Variants in HOXB6 observed in about 807,000 individuals in gnomAD.
The protein encoded by HOXB6 is homeobox B6.
A neutral mutation model predicts 24.2 loss-of-function variants in HOXB6; 18 were observed. The observed-to-expected ratio is 0.74, with a 90% CI of 0.51 to 1.10. HOXB6 has a LOEUF of 1.10. Ranked by LOEUF, HOXB6 falls within the 50% of genes least tolerant of loss-of-function variation. The pLI is 0.00. For missense variants in HOXB6, 332 were observed against 308.3 expected (o/e 1.08, Z -0.58); for synonymous variants, 159 against 139.1 (o/e 1.14, Z -1.01).
Position 48,598,217 on chromosome 17 carries a change from C to T in HOXB6, c.-67G>A. 1.4e-6 allele frequency: 2 copies of T among 1,447,632 alleles called. No individual in the cohort carries two copies. Among genetic ancestry groups the T allele is most frequent in the Non-Finnish European group, 1.8e-6 (2 of 1,090,422 alleles). 89.7% of individuals were successfully genotyped at this position (1,447,632 alleles called of 1,614,324 possible). On this transcript the variant is annotated 5_prime_UTR_variant, in exon 3 of 4. Transcript: ENST00000225648. ...TTATGATTTGTTGTGTTTTATAGTC[C>T]GAGCGCCGCGCCTATTAGTAGTATA...
At chr17:48,597,050 G>A (rs1303630088) in intron 3 of HOXB6, 1 of 1,161,150 alleles carries the variant, frequency 8.6e-7, no homozygotes, top group African/African-American at 1.7e-5. Context: ...CCGTAATGAC[G>A]TAGATCGATC....
At position 48,596,977 on chromosome 17, in the gene HOXB6, C is replaced by T. The variant is rs1291742364; in HGVS notation, c.416-305G>A. ...TTGCATCTTGTCTTTCCCTCCCTTT[C>T]CATCCATCTTGTTCCCACCCCCCGT... On this transcript the variant is annotated intron_variant, in intron 3 of 3. Coordinates refer to ENST00000225648, the MANE Select transcript of HOXB6 (RefSeq NM_018952.5). This position sits in a 1 kb window ranked among gnomAD's most constrained non-coding sequence, Gnocchi z 4.8. 39 of 1,293,174 alleles carry T rather than the reference C, an allele frequency of 3.0e-5. No homozygotes were observed. Among genetic ancestry groups the T allele is most frequent in the Non-Finnish European group, 3.9e-5 (39 of 1,007,272 alleles). The allele number at this position is 1,293,174 out of a possible 1,614,324, so 80.1% of individuals were successfully genotyped here.
intron 2 of HOXB6, chr17:48,601,870 A>G (rs1382510323): frequency 3.8e-6 from 1 of 264,694 alleles, no homozygotes; most frequent in African/African-American, 2.3e-5. Context: ...TTGAAAGCCC[A>G]AGCTAATCAG....
chr17:48,596,315 G>T lies in HOXB6; in HGVS notation c.*98C>A, dbSNP rs41307619. ...GTCTGCGCCGGAGAGCAGGTCTCCTGGCTCCCCCACCCGAGAGCCTTCCTT... is the reference window on the plus strand; with the variant it reads ...GTCTGCGCCGGAGAGCAGGTCTCCTTGCTCCCCCACCCGAGAGCCTTCCTT... On this transcript the variant is annotated 3_prime_UTR_variant, in exon 4 of 4. Coordinates refer to ENST00000225648, the MANE Select transcript of HOXB6 (RefSeq NM_018952.5). This position sits in a 1 kb window ranked among gnomAD's most constrained non-coding sequence, Gnocchi z 4.8. The T allele has an allele frequency of 5.2e-5, 81 of 1,571,520 alleles. No individual in the cohort carries two copies. Among genetic ancestry groups the T allele is most frequent in the Non-Finnish European group, 6.6e-5 (76 of 1,143,990 alleles).
chr17:48,601,931 G>A (rs1246861359), intron 2 of HOXB6: 1 of 375,848 alleles, frequency 2.7e-6, no homozygotes, highest in South Asian at 2.0e-5. Context: ...GAGGCGCATA[G>A]CCTAGCCCTG....
In HOXB6 at chr17:48,597,056, C is replaced by T. The variant is rs563666431; in HGVS notation, c.416-384G>A. The stretch of plus-strand genomic sequence containing the variant: ...GCCGTTAATCCGTAATGACGTAGAT[C>T]GATCCATAGTCCACATTAACGGCTC... On this transcript the variant is annotated intron_variant, in intron 3 of 3. Transcript: ENST00000225648. 5.2e-6 allele frequency: 6 copies of T among 1,151,164 alleles called. No homozygotes were observed. In the African/African-American group the frequency reaches 9.7e-5, roughly 19 times the overall value. The allele number at this position is 1,151,164 out of a possible 1,614,324, so 71.3% of individuals were successfully genotyped here.
At chr17:48,597,286 G>A (rs2070326862) in intron 3 of HOXB6, among the ~76,000 whole-genome samples, 1 of 152,020 alleles carries the variant, frequency 6.6e-6, no homozygotes, top group South Asian at 2.1e-4. Context: ...GGGAAACACA[G>A]TCCCAGACAG....
In HOXB6 at chr17:48,597,928, C is replaced by T. The variant is rs1242966482; in HGVS notation, c.223G>A (p.Gly75Arg). Reference protein sequence around the residue: ...GYGRAAPCDYGPAPAFYREKE... With the variant: ...GYGRAAPCDYRPAPAFYREKE... ...TCGCGGTAGAAGGCCGGCGCCGGCC[C>T]GTAGTCGCAGGGCGCCGCTCGGCCG... Residue 75 changes from glycine to arginine, a missense_variant, in exon 3 of 4, where the codon GGG (glycine) becomes AGG (arginine). Physicochemically the swap from Gly to Arg is moderately radical, Grantham distance 125 (BLOSUM62 -2). Coordinates refer to ENST00000225648, the MANE Select transcript of HOXB6 (RefSeq NM_018952.5). 9.5e-6 allele frequency: 15 copies of T among 1,574,480 alleles called. No homozygotes were observed. The highest frequency in any genetic ancestry group is 1.3e-5 in the Non-Finnish European group (15 of 1,160,252).
intron 2 of HOXB6, chr17:48,603,851 C>T (rs561120847): frequency 6.6e-4 from 101 of 152,628 alleles, no homozygotes; most frequent in African/African-American, 2.3e-3. Flanking sequence ...CACCCACAGC[C>T]CTTTAATTTC....
In HOXB6 at chr17:48,597,838, T is replaced by G; in HGVS notation, c.313A>C (p.Lys105Gln). Residue 105 changes from lysine to glutamine, a missense_variant, in exon 3 of 4, where the codon AAG becomes CAG. Coordinates refer to ENST00000225648, the MANE Select transcript of HOXB6 (RefSeq NM_018952.5). ...CTCTTGTCCTGCGCGCAGTCCGACT[T>G]CCGCGGCTCGGGGTGGAACGGGGGC... Reference protein sequence around the residue: ...EQPPFHPEPRKSDCAQDKSVF... With the variant: ...EQPPFHPEPRQSDCAQDKSVF... 6.2e-7 allele frequency: 1 copy of G among 1,601,946 alleles called. No homozygotes were observed. Among genetic ancestry groups the G allele is most frequent in the Non-Finnish European group, 8.5e-7 (1 of 1,173,510 alleles).
chr17:48,597,916 C>T lies in HOXB6; in HGVS notation c.235G>A (p.Ala79Thr), dbSNP rs1406927462. The T allele has an allele frequency of 1.3e-6, 2 of 1,574,916 alleles. No individual in the cohort carries two copies. Among genetic ancestry groups the T allele is most frequent in the South Asian group, 1.2e-5 (1 of 86,792 alleles). ...GCCGACTCTTTCTCGCGGTAGAAGG[C>T]CGGCGCCGGCCCGTAGTCGCAGGGC... ...AAPCDYGPAP[A>T]FYREKESACA... The change falls in exon 3 of 4, where the codon GCC becomes ACC. Residue 79 changes from alanine to threonine, a missense_variant. Physicochemically the swap from Ala to Thr is moderately conservative, Grantham distance 58 (BLOSUM62 0). Transcript: ENST00000225648.
rs760358158 is a variant in HOXB6, at chr17:48,597,869, G to T, written c.282C>A (p.Asp94Glu). The T allele has an allele frequency of 1.3e-6, 2 of 1,591,860 alleles. No individual in the cohort carries two copies. The highest frequency in any genetic ancestry group is 1.7e-6 in the Non-Finnish European group (2 of 1,168,330). The change falls in exon 3 of 4, where the codon GAC (aspartate) becomes GAA (glutamate). Residue 94 changes from aspartate to glutamate, a missense_variant. Asp to Glu is a conservative substitution (Grantham distance 45). Transcript: ENST00000225648. ...GCTCGGGGTGGAACGGGGGCTGCTC[G>T]TCGGCGCCGGAGAGTGCGCAGGCCG... is the stretch of plus-strand genomic sequence containing the variant. Reference protein sequence around the residue: ...KESACALSGADEQPPFHPEPR... With the variant: ...KESACALSGAEEQPPFHPEPR...
At chr17:48,598,622 C>T (rs375165889) in intron 2 of HOXB6, among the ~76,000 whole-genome samples, 3 of 152,152 alleles carry the variant, frequency 2.0e-5, no homozygotes, top group East Asian at 3.9e-4. Context: ...ATTGTGTTTT[C>T]AGAAAAGTTA....
At position 48,596,032 on chromosome 17, in the gene HOXB6, C is replaced by T; in HGVS notation, c.*381G>A. 1 of 472,436 alleles carries T rather than the reference C, an allele frequency of 2.1e-6. No homozygotes were observed. Among genetic ancestry groups the T allele is most frequent in the South Asian group, 1.5e-5 (1 of 64,670 alleles). 29.3% of individuals were successfully genotyped at this position (472,436 alleles called of 1,614,324 possible). ...TTCAAGGCCCCCGCTGAGGGGACAG[C>T]GAATCTACCATTGAACCGTGCACGG... On this transcript the variant is annotated 3_prime_UTR_variant, in exon 4 of 4. Coordinates refer to ENST00000225648, the MANE Select transcript of HOXB6 (RefSeq NM_018952.5). The surrounding 1 kb of genome is among the most constrained non-coding windows in gnomAD (Gnocchi z 4.8).
chr17:48,602,265 G>C, intron 2 of HOXB6: 1 of 455,632 alleles, frequency 2.2e-6, no homozygotes, highest in Non-Finnish European at 4.4e-6. Flanking sequence ...GGAACTGACG[G>C]GGCCGGCGCC....
At chr17:48,597,174 G>T (rs897854066) in intron 3 of HOXB6, 1 of 664,340 alleles carries the variant, frequency 1.5e-6, no homozygotes, top group Non-Finnish European at 1.9e-6. Context: ...TCCCTCTCTC[G>T]CTCCGCCTGC....
rs867711068 is a variant in HOXB6, at chr17:48,598,053, G to C, written c.98C>G (p.Ala33Gly). The change falls in exon 3 of 4, where the codon GCG becomes GGG. Residue 33 changes from alanine (A) to glycine (G), a missense_variant. Transcript: ENST00000225648. ...GQLPLYSSGYADPLRHYPAPY... is the reference protein window; with the variant it reads ...GQLPLYSSGYGDPLRHYPAPY... ...CGCGGGGTAATGTCTCAGCGGGTCC[G>C]CATAGCCCGACGAATAGAGCGGTAG... The C allele has an allele frequency of 4.4e-6, 7 of 1,601,168 alleles. No individual in the cohort carries two copies. Among genetic ancestry groups the C allele is most frequent in the African/African-American group, 2.7e-5 (2 of 74,704 alleles).
At chr17:48,597,449 G>A (rs1394968003) in intron 3 of HOXB6, among the ~76,000 whole-genome samples, 1 of 152,202 alleles carries the variant, frequency 6.6e-6, no homozygotes, top group Non-Finnish European at 1.5e-5. Context: ...GCAGGCTCCT[G>A]CTCCCTTCCC....
chr17:48,602,349 C>T (rs2070488660), intron 2 of HOXB6: 1 of 395,408 alleles, frequency 2.5e-6, no homozygotes, highest in African/African-American at 2.1e-5. Context: ...TCGGATGTCT[C>T]AAGCGGCCTC....
Sources: gnomAD v4.1 joint callset for allele counts (sites outside exome capture counted in the v4.1 genomes callset) on GRCh38, gnomAD v4.1.1 for gene constraint, Gnocchi (gnomAD v3.1) non-coding constraint, MANE v1.5 for transcripts, NCBI Gene and HGNC (gene_info 2026-07-23, HGNC 2026-07-21) for gene names.